Variants in SCD5 observed in about 807,000 individuals in gnomAD.
The protein encoded by SCD5 is acyl-CoA-desaturase 4.
SCD5 carries 20 observed loss-of-function variants against 30.4 expected under a neutral mutation model. That is an observed-to-expected ratio of 0.66 (90% CI 0.46 to 0.96). SCD5 has a LOEUF of 0.96. Among genes scored for constraint, SCD5 ranks in the 40% least tolerant of loss-of-function variants. The pLI is 0.00. For missense variants in SCD5, 381 were observed against 443.3 expected, an observed-to-expected ratio of 0.86 and a Z score of 1.26; for synonymous variants, 173 against 176.4, an observed-to-expected ratio of 0.98 and a Z score of 0.16.
rs1019199998 is a variant in SCD5, at chr4:82,782,837, G to A, written c.232+15469C>T. Among the ~76,000 whole-genome samples the A allele has an allele frequency of 9.9e-5, 15 of 152,182 alleles. 1 individual carries two copies. The highest frequency in any genetic ancestry group is 4.6e-4 in the Admixed American group (7 of 15,276). ...GGAACACACCCACGGCTATTCACAT[G>A]CCTAAAATTGCACCTGTTGTCAACC... On this transcript the variant is annotated intron_variant, in intron 1 of 4. Coordinates refer to ENST00000319540, the MANE Select transcript of SCD5 (RefSeq NM_001037582.3).
intron 1 of SCD5, among the ~76,000 whole-genome samples, chr4:82,753,708 A>T (rs747627152): frequency 1.3e-5 from 2 of 152,104 alleles, no homozygotes; most frequent in Non-Finnish European, 2.9e-5. Context: ...TATTAAATGC[A>T]TCCATATTTG....
intron 3 of SCD5, among the ~76,000 whole-genome samples, chr4:82,673,067 TA>T (rs1346568815): frequency 6.6e-6 from 1 of 152,050 alleles, no homozygotes; most frequent in Non-Finnish European, 1.5e-5. Flanking sequence ...GCTAATGTCA[TA>T]AAGGTGAGAG....
intron 1 of SCD5, among the ~76,000 whole-genome samples, chr4:82,790,451 GTC>G (rs566589720): frequency 6.6e-6 from 1 of 152,138 alleles, no homozygotes; most frequent in Non-Finnish European, 1.5e-5. Context: ...GCCCTGCCCT[GTC>G]TCTCTTTCTC....
chr4:82,706,872 A>C (rs1403027181), intron 1 of SCD5, among the ~76,000 whole-genome samples: 2 of 152,222 alleles, frequency 1.3e-5, no homozygotes, highest in African/African-American at 4.8e-5. Flanking sequence ...TTTCTTGCTT[A>C]ATCTAGCTTG....
At chr4:82,794,183 C>T (rs1722158312) in intron 1 of SCD5, among the ~76,000 whole-genome samples, 1 of 152,166 alleles carries the variant, frequency 6.6e-6, no homozygotes, top group African/African-American at 2.4e-5. Flanking sequence ...CTCCAAGAAC[C>T]CAGCAGGGCA....
intron 1 of SCD5, among the ~76,000 whole-genome samples, chr4:82,796,497 G>C (rs1045969538): frequency 6.6e-6 from 1 of 152,194 alleles, no homozygotes; most frequent in African/African-American, 2.4e-5. Context: ...GGTCCGGAAA[G>C]GGCAGAGGTG....
intron 1 of SCD5, among the ~76,000 whole-genome samples, chr4:82,759,503 G>A (rs967836442): frequency 1.3e-5 from 2 of 152,022 alleles, no homozygotes; most frequent in African/African-American, 4.8e-5. Flanking sequence ...TTCCCCCTCA[G>A]ACAAGCTCCC....
chr4:82,669,518 G>A (rs760294332), intron 3 of SCD5, among the ~76,000 whole-genome samples: 1 of 152,192 alleles, frequency 6.6e-6, no homozygotes, highest in Non-Finnish European at 1.5e-5. Flanking sequence ...AACATAGGGA[G>A]TGGTTCACAG....
chr4:82,794,232 T>C (rs1158569459), intron 1 of SCD5, among the ~76,000 whole-genome samples: 1 of 152,186 alleles, frequency 6.6e-6, no homozygotes, highest in Non-Finnish European at 1.5e-5. Flanking sequence ...TGGTCACGTT[T>C]GCGCCAAGAC....
intron 4 of SCD5, 50 bp from the exon 5 acceptor site, chr4:82,631,567 T>G: frequency 6.3e-7 from 1 of 1,576,304 alleles, no homozygotes; most frequent in Non-Finnish European, 8.7e-7. Context: ...CCTCTCTGCA[T>G]AGATGTTTTG....
At chr4:82,750,581 C>T (rs1401301338) in intron 1 of SCD5, among the ~76,000 whole-genome samples, 1 of 151,492 alleles carries the variant, frequency 6.6e-6, no homozygotes, top group Non-Finnish European at 1.5e-5. Context: ...CATGGAGAGT[C>T]TTTTGAGTCC....
intron 1 of SCD5, among the ~76,000 whole-genome samples, chr4:82,749,545 A>G (rs1721058461): frequency 6.6e-6 from 1 of 152,268 alleles, no homozygotes; most frequent in African/African-American, 2.4e-5. Context: ...ATTTACATAA[A>G]TAGAAAAGTA....
At chr4:82,704,465 T>C (rs1361711077) in intron 2 of SCD5, among the ~76,000 whole-genome samples, 1 of 152,168 alleles carries the variant, frequency 6.6e-6, no homozygotes, top group Admixed American at 6.5e-5. Flanking sequence ...AAACCAAAAG[T>C]ACCCAAGGAA....
At chr4:82,797,645 G>A (rs938373831) in intron 1 of SCD5, among the ~76,000 whole-genome samples, 2 of 151,992 alleles carry the variant, frequency 1.3e-5, no homozygotes, top group Non-Finnish European at 2.9e-5. Flanking sequence ...GACCGCTCTC[G>A]CCATGGGATC....
rs190195507 is a variant in SCD5, at chr4:82,730,345, G to A, written c.233-24932C>T. 5.2e-4 allele frequency among the ~76,000 whole-genome samples: 78 copies of A among 149,680 alleles called. 1 individual carries two copies. The East Asian group carries it at 0.015, about 28-fold the overall frequency. On this transcript the variant is annotated intron_variant, in intron 1 of 4. Transcript: ENST00000319540. ...CAGAGTCTCGCTCTGTCACCCAGCT[G>A]GAGTCCAGTGGCACGATCTTGGCTC...
rs72911265 is a variant in SCD5, at chr4:82,643,151, G to A, written c.570-6328C>T. Among the ~76,000 whole-genome samples, 748 of 152,310 alleles carry A rather than the reference G, an allele frequency of 4.9e-3. 9 individuals are homozygous for A. The highest frequency in any genetic ancestry group is 0.017 in the African/African-American group (702 of 41,558). Reference sequence around the variant, plus strand: ...GGATGTAGAAATACTGGACTCCTCAGGTACTGATGGAGGAATGTGAAGTGG... The same window carrying A: ...GGATGTAGAAATACTGGACTCCTCAAGTACTGATGGAGGAATGTGAAGTGG... On this transcript the variant is annotated intron_variant, in intron 3 of 4. Transcript: ENST00000319540.
At chr4:82,633,101 T>C (rs981058539) in intron 4 of SCD5, among the ~76,000 whole-genome samples, 1 of 152,218 alleles carries the variant, frequency 6.6e-6, no homozygotes, top group Admixed American at 6.5e-5. Context: ...CTTGTTCCTC[T>C]AGTCAGACTG....
chr4:82,703,645 T>C (rs965011301), intron 2 of SCD5, among the ~76,000 whole-genome samples: 4 of 152,206 alleles, frequency 2.6e-5, no homozygotes, highest in Non-Finnish European at 5.9e-5. Flanking sequence ...TTAAGAAAAC[T>C]TAGGTTTTCA....
intron 1 of SCD5, among the ~76,000 whole-genome samples, chr4:82,764,357 C>A (rs1721442626): frequency 2.0e-5 from 3 of 152,116 alleles, no homozygotes; most frequent in Admixed American, 2.0e-4. Flanking sequence ...CTGTTTAAAT[C>A]TATCATTTTG....
Sources: gnomAD v4.1 joint callset for allele counts (sites outside exome capture counted in the v4.1 genomes callset) on GRCh38, gnomAD v4.1.1 for gene constraint, MANE v1.5 for transcripts, NCBI Gene and HGNC (gene_info 2026-07-23, HGNC 2026-07-21) for gene names.